The following SEC24D variants were observed in gnomAD, a reference collection of about 807,000 sequenced individuals.
SEC24D encodes protein transport protein Sec24D.
A neutral mutation model predicts 116.9 loss-of-function variants in SEC24D; 69 were observed. The ratio of observed to expected loss-of-function variants is 0.59; its 90% CI spans 0.49 to 0.72. SEC24D has a LOEUF of 0.72. Among genes scored for constraint, SEC24D ranks in the 30% least tolerant of loss-of-function variants. The pLI is 0.00. For synonymous variants in SEC24D, 405 were observed against 442.8 expected (o/e 0.91, Z 1.07); for missense variants, 1,131 against 1,264.1 (o/e 0.89, Z 1.60).
Position 118,815,460 on chromosome 4 carries a change from G to A in SEC24D, c.664C>T (p.Pro222Ser), listed in dbSNP as rs750081916. The A allele has an allele frequency of 1.2e-6, 2 of 1,614,112 alleles. No individual in the cohort carries two copies. Among genetic ancestry groups the A allele is most frequent in the East Asian group, 2.2e-5 (1 of 44,886 alleles). Residue 222 changes from proline to serine, a missense_variant, in exon 5 of 23, where the codon CCG becomes TCG. Transcript: ENST00000280551. Reference protein sequence around the residue: ...PGQTLGAGYPPQQANSGPQMA... With the variant: ...PGQTLGAGYPSQQANSGPQMA... The stretch of plus-strand genomic sequence containing the variant: ...ACCCTGTCCGCCTTACCCTGCTGCG[G>A]AGGATATCCAGCACCCAAGGTCTGG...
intron 7 of SEC24D, among the ~76,000 whole-genome samples, chr4:118,798,056 T>A (rs1325723652): frequency 6.6e-6 from 1 of 152,214 alleles, no homozygotes; most frequent in Non-Finnish European, 1.5e-5. Context: ...AAAAGAAGTA[T>A]CTTAGTTATT....
At chr4:118,833,863 A>G (rs1033158471) in intron 1 of SEC24D, 126 bp from the exon 2 acceptor site, 1 of 558,854 alleles carries the variant, frequency 1.8e-6, no homozygotes, top group Non-Finnish European at 3.2e-6. Context: ...CAGGTACATG[A>G]GAAATCTTTG....
chr4:118,828,857 C>G (rs530885723), intron 2 of SEC24D, among the ~76,000 whole-genome samples: 1 of 152,208 alleles, frequency 6.6e-6, no homozygotes, highest in Non-Finnish European at 1.5e-5. Context: ...CACATTCCCC[C>G]GCCAATGGCA....
intron 8 of SEC24D, among the ~76,000 whole-genome samples, chr4:118,775,019 G>T (rs1728066236): frequency 6.6e-6 from 1 of 151,996 alleles, no homozygotes; most frequent in African/African-American, 2.4e-5. Flanking sequence ...GTCTAAATCT[G>T]GCCCCTCAAG....
intron 15 of SEC24D, among the ~76,000 whole-genome samples, chr4:118,742,735 C>A (rs1316299291): frequency 6.6e-6 from 1 of 152,174 alleles, no homozygotes; most frequent in Non-Finnish European, 1.5e-5. Flanking sequence ...GGAGAATACA[C>A]CTTCCCAGTC....
At chr4:118,777,012 A>G (rs1728165446) in intron 8 of SEC24D, among the ~76,000 whole-genome samples, 1 of 152,204 alleles carries the variant, frequency 6.6e-6, no homozygotes, top group African/African-American at 2.4e-5. Context: ...AGAATTATAA[A>G]TTAGTCAAAG....
chr4:118,813,178 A>C (rs1477028951), intron 6 of SEC24D, among the ~76,000 whole-genome samples: 1 of 152,218 alleles, frequency 6.6e-6, no homozygotes. Flanking sequence ...CCAGAGAAGA[A>C]GACACAAAGA....
chr4:118,817,567 T>G (rs1315351446), intron 3 of SEC24D, among the ~76,000 whole-genome samples, 155 bp from the exon 4 acceptor site: 1 of 152,146 alleles, frequency 6.6e-6, no homozygotes, highest in African/African-American at 2.4e-5. Context: ...AAGCTTGACA[T>G]GAACTCAATA....
chr4:118,823,321 C>A (rs1422116199), intron 3 of SEC24D, among the ~76,000 whole-genome samples: 1 of 152,202 alleles, frequency 6.6e-6, no homozygotes, highest in Non-Finnish European at 1.5e-5. Flanking sequence ...CAAGAGCCAG[C>A]CAGTGCCAAG....
At chr4:118,773,725 A>G (rs1041287316) in intron 8 of SEC24D, among the ~76,000 whole-genome samples, 6 of 152,224 alleles carry the variant, frequency 3.9e-5, no homozygotes, top group Admixed American at 6.5e-5. Context: ...CGAAAAGGAA[A>G]AGAGTCTGTA....
intron 21 of SEC24D, chr4:118,730,977 A>G (rs1725655884): frequency 6.9e-6 from 2 of 288,472 alleles, no homozygotes; most frequent in Non-Finnish European, 1.3e-5. Flanking sequence ...ATTCCTCTGT[A>G]AAATGTTGAG....
At chr4:118,821,032 A>T (rs1384953000) in intron 3 of SEC24D, among the ~76,000 whole-genome samples, 1 of 152,194 alleles carries the variant, frequency 6.6e-6, no homozygotes, top group African/African-American at 2.4e-5. Context: ...AAGAAATGAG[A>T]TGTATGCTGA....
chr4:118,823,457 T>C (rs1730479182), intron 3 of SEC24D, among the ~76,000 whole-genome samples: 1 of 152,124 alleles, frequency 6.6e-6, no homozygotes. Context: ...ATTAGGAGGA[T>C]CTACAGTCAC....
chr4:118,807,522 G>GAA (rs149393508), intron 6 of SEC24D, among the ~76,000 whole-genome samples: 2 of 144,148 alleles, frequency 1.4e-5, no homozygotes, highest in Non-Finnish European at 3.0e-5. Flanking sequence ...GTAAGAAGAG[G>GAA]AAAAAAAAAA....
chr4:118,821,651 T>C (rs1381599802), intron 3 of SEC24D, among the ~76,000 whole-genome samples: 1 of 152,254 alleles, frequency 6.6e-6, no homozygotes, highest in African/African-American at 2.4e-5. Context: ...AATTAAAATA[T>C]TTCTTTGGTA....
At chr4:118,825,417 T>C (rs1326802927) in intron 2 of SEC24D, 3 of 370,568 alleles carry the variant, frequency 8.1e-6, no homozygotes, top group Non-Finnish European at 1.6e-5. Flanking sequence ...TTTCATTTAT[T>C]AGCAGCTCTT....
chr4:118,770,854 A>G (rs1727868939), intron 8 of SEC24D, among the ~76,000 whole-genome samples: 1 of 152,212 alleles, frequency 6.6e-6, no homozygotes, highest in Non-Finnish European at 1.5e-5. Context: ...TGTCTAGGCT[A>G]TTAAATACAC....
At chr4:118,789,662 G>T (rs1346683535) in intron 8 of SEC24D, among the ~76,000 whole-genome samples, 1 of 152,204 alleles carries the variant, frequency 6.6e-6, no homozygotes, top group Admixed American at 6.5e-5. Flanking sequence ...TTAGCTCACT[G>T]CAACCTCTGC....
chr4:118,826,990 C>T (rs1730615893), intron 2 of SEC24D, among the ~76,000 whole-genome samples: 1 of 152,176 alleles, frequency 6.6e-6, no homozygotes, highest in Non-Finnish European at 1.5e-5. Flanking sequence ...CCTAACTCTT[C>T]CTGGGGGAAT....
Sources: allele counts gnomAD v4.1 joint callset (sites outside exome capture counted in the v4.1 genomes callset), GRCh38; gene constraint gnomAD v4.1.1; transcripts MANE v1.5; gene names NCBI Gene and HGNC (gene_info 2026-07-23, HGNC 2026-07-21).